Variants in KCNIP4 observed in about 807,000 individuals in gnomAD.
KCNIP4 encodes the protein Kv channel-interacting protein 4.
In KCNIP4, 12 loss-of-function variants were observed where a neutral mutation model predicts 34.0. That is an observed-to-expected ratio of 0.35 (90% CI 0.23 to 0.57). The LOEUF is 0.57. KCNIP4 is among the 20% of genes least tolerant of loss of function. The probability of loss-of-function intolerance (pLI) is 0.83; values close to 1 mark genes in which losing one functional copy is unlikely to be tolerated. For synonymous variants in KCNIP4, 124 were observed against 102.2 expected, an observed-to-expected ratio of 1.21 and a Z score of -1.29; for missense variants, 238 against 311.7, an observed-to-expected ratio of 0.76 and a Z score of 1.78.
rs1468661351 is a variant in KCNIP4 at position 21,047,448 on chromosome 4, A to G, written c.62-164739T>C. Among the ~76,000 whole-genome samples, 10 of 152,218 alleles carry G rather than the reference A, an allele frequency of 6.6e-5. No individual in the cohort carries two copies. In the East Asian group the frequency reaches 1.9e-3, roughly 29 times the overall value. ...ACATTCTGATGAGTTTTGTACACAT[A>G]TAATTGACACATCCTACAATAATGC... On this transcript the variant is annotated intron_variant, in intron 1 of 8. Coordinates refer to ENST00000382152, the MANE Select transcript of KCNIP4 (RefSeq NM_025221.6).
intron 1 of KCNIP4, among the ~76,000 whole-genome samples, chr4:21,129,258 G>A (rs1396384334): frequency 2.6e-5 from 4 of 152,164 alleles, no homozygotes; most frequent in Admixed American, 6.5e-5. Context: ...GTAGAACTGT[G>A]AGTCAATTAA....
intron 1 of KCNIP4, among the ~76,000 whole-genome samples, chr4:21,560,012 T>C (rs2109030644): frequency 6.6e-6 from 1 of 152,272 alleles, no homozygotes; most frequent in South Asian, 2.1e-4. Context: ...TTTACTTTGA[T>C]TTTCCCCTTT....
intron 1 of KCNIP4, among the ~76,000 whole-genome samples, chr4:21,173,929 C>A (rs974652841): frequency 6.6e-6 from 1 of 152,168 alleles, no homozygotes; most frequent in African/African-American, 2.4e-5. Context: ...TGCTAAGGAG[C>A]CTTTCTTATC....
chr4:20,747,551 A>G (rs1445785880), intron 5 of KCNIP4, among the ~76,000 whole-genome samples: 1 of 151,906 alleles, frequency 6.6e-6, no homozygotes, highest in Non-Finnish European at 1.5e-5. Context: ...TCCCCCAACC[A>G]TCTCCTCTCC....
chr4:21,598,055 C>T (rs1236723079), intron 1 of KCNIP4, among the ~76,000 whole-genome samples: 4 of 152,054 alleles, frequency 2.6e-5, no homozygotes, highest in African/African-American at 9.7e-5. Context: ...GCTGTAAAAT[C>T]ACTAGTCAGC....
intron 1 of KCNIP4, among the ~76,000 whole-genome samples, chr4:21,810,552 T>C (rs1721576654): frequency 6.6e-6 from 1 of 151,926 alleles, no homozygotes; most frequent in South Asian, 2.1e-4. Context: ...TAGCCGGGCA[T>C]AGGGGCGGGC....
chr4:20,913,904 C>T (rs11727218), intron 1 of KCNIP4, among the ~76,000 whole-genome samples: 60,563 of 152,044 alleles, frequency 0.4, 12,845 homozygotes, highest in East Asian at 0.57. Flanking sequence ...GCCTGTAATC[C>T]CAGCACTTTG....
chr4:21,500,045 T>A (rs999282949), intron 1 of KCNIP4, among the ~76,000 whole-genome samples: 1 of 152,116 alleles, frequency 6.6e-6, no homozygotes. Flanking sequence ...TTTGAGATAA[T>A]CAAAAATTCA....
rs1747384983 is a variant in KCNIP4, at chr4:20,729,625, G to GCA, written c.*456_*457insTG. The GCA allele has an allele frequency of 7.5e-6, 1 of 133,264 alleles. No homozygotes were observed. Among genetic ancestry groups the GCA allele is most frequent in the Admixed American group, 7.3e-5 (1 of 13,612 alleles). 8.3% of individuals were successfully genotyped at this position (133,264 alleles called of 1,614,324 possible). A position where few individuals can be genotyped will look rare whatever the true frequency, so the allele number is the denominator to read the frequency against. On this transcript the variant is annotated 3_prime_UTR_variant, in exon 9 of 9. Transcript: ENST00000382152. The stretch of plus-strand genomic sequence containing the variant: ...TAAAGTATATAAATGGAATTTAAAT[G>GCA]GAATTACAGCATTCAAACATGAAAA...
intron 1 of KCNIP4, among the ~76,000 whole-genome samples, chr4:21,549,162 A>G (rs1252633536): frequency 6.6e-6 from 1 of 152,050 alleles, no homozygotes; most frequent in Non-Finnish European, 1.5e-5. Flanking sequence ...GATGCTAATC[A>G]CAAGCACACA....
intron 1 of KCNIP4, among the ~76,000 whole-genome samples, chr4:20,941,841 C>T (rs1325137897): frequency 6.6e-6 from 1 of 152,112 alleles, no homozygotes; most frequent in Non-Finnish European, 1.5e-5. Flanking sequence ...AATTTTCATC[C>T]TTCATTTGAA....
intron 1 of KCNIP4, among the ~76,000 whole-genome samples, chr4:20,960,262 G>C (rs554555397): frequency 6.6e-6 from 1 of 152,102 alleles, no homozygotes; most frequent in African/African-American, 2.4e-5. Flanking sequence ...GGAGTCAAAA[G>C]TATTTGTAAG....
At chr4:21,561,132 C>T (rs1236991136) in intron 1 of KCNIP4, among the ~76,000 whole-genome samples, 1 of 151,950 alleles carries the variant, frequency 6.6e-6, no homozygotes, top group Non-Finnish European at 1.5e-5. Flanking sequence ...GGATTGCACA[C>T]TTTAATATTA....
At chr4:21,663,146 C>G (rs1748572763) in intron 1 of KCNIP4, among the ~76,000 whole-genome samples, 1 of 152,080 alleles carries the variant, frequency 6.6e-6, no homozygotes, top group African/African-American at 2.4e-5. Context: ...GATAATGTAG[C>G]CCTTATCGAT....
intron 1 of KCNIP4, among the ~76,000 whole-genome samples, chr4:21,931,031 T>A (rs1238791407): frequency 2.6e-5 from 4 of 152,152 alleles, no homozygotes; most frequent in African/African-American, 9.7e-5. Flanking sequence ...AACCAAATTA[T>A]GATTAGTAAA....
intron 3 of KCNIP4, among the ~76,000 whole-genome samples, chr4:20,845,311 G>A (rs1469902733): frequency 2.0e-5 from 3 of 152,046 alleles, no homozygotes; most frequent in Non-Finnish European, 2.9e-5. Context: ...GTAACCCTGC[G>A]ACATTCTACC....
At chr4:21,207,455 T>C (rs1413805389) in intron 1 of KCNIP4, among the ~76,000 whole-genome samples, 1 of 152,228 alleles carries the variant, frequency 6.6e-6, no homozygotes, top group Non-Finnish European at 1.5e-5. Flanking sequence ...TACATATGCA[T>C]TGTTTTTGTG....
rs557917586 is a variant in KCNIP4 at position 21,053,508 on chromosome 4, T to C, written c.62-170799A>G. 3.0e-4 allele frequency among the ~76,000 whole-genome samples: 46 copies of C among 152,266 alleles called. No individual in the cohort carries two copies. In the South Asian group the frequency reaches 5.2e-3, roughly 17 times the overall value. On this transcript the variant is annotated intron_variant, in intron 1 of 8. Coordinates refer to ENST00000382152, the MANE Select transcript of KCNIP4 (RefSeq NM_025221.6). ...CTTTTCAACATTGTGCTAGAAGTGC[T>C]AGCTAAGAAAAACAAGACAAAATAG... is the stretch of plus-strand genomic sequence containing the variant.
At chr4:20,952,806 T>C (rs1214156630) in intron 1 of KCNIP4, among the ~76,000 whole-genome samples, 1 of 152,230 alleles carries the variant, frequency 6.6e-6, no homozygotes, top group African/African-American at 2.4e-5. Flanking sequence ...GAATAAGTAA[T>C]TTATAAACAA....
Sources: allele counts gnomAD v4.1 joint callset (sites outside exome capture counted in the v4.1 genomes callset), GRCh38; gene constraint gnomAD v4.1.1; transcripts MANE v1.5; gene names NCBI Gene and HGNC (gene_info 2026-07-23, HGNC 2026-07-21).